OR1J2: variants seen among roughly 807,000 people sequenced by gnomAD.
OR1J2 encodes olfactory receptor family 1 subfamily J member 2.
For synonymous variants in OR1J2, 142 were observed against 99.7 expected (o/e 1.42, Z -2.52); for missense variants, 304 against 246.1 (o/e 1.24, Z -1.57).
chr9:122,517,277 C>A, the OR1J2 span, among the ~76,000 whole-genome samples: 2 of 152,168 alleles, frequency 1.3e-5, no homozygotes, highest in East Asian at 3.8e-4. Context: ...TCCTTAAGGT[C>A]ACAGCCCCAG....
the OR1J2 span, among the ~76,000 whole-genome samples, chr9:122,543,304 G>C: frequency 6.6e-6 from 1 of 152,122 alleles, no homozygotes; most frequent in African/African-American, 2.4e-5. Flanking sequence ...CTGGGCTCAA[G>C]CAACCTTCCC....
chr9:122,483,394 A>C, the OR1J2 span, among the ~76,000 whole-genome samples: 1 of 152,214 alleles, frequency 6.6e-6, no homozygotes, highest in Admixed American at 6.5e-5. Flanking sequence ...TAATTTATTT[A>C]TGTAATTCTA....
At chr9:122,551,014 G>C in the OR1J2 span, among the ~76,000 whole-genome samples, 2 of 151,214 alleles carry the variant, frequency 1.3e-5, no homozygotes, top group African/African-American at 4.9e-5. Context: ...ATACCTTAAA[G>C]ATTCCTCCAG....
chr9:122,482,036 T>A, the OR1J2 span, among the ~76,000 whole-genome samples: 1 of 151,990 alleles, frequency 6.6e-6, no homozygotes, highest in Non-Finnish European at 1.5e-5. Flanking sequence ...CTAAAAAGCT[T>A]CTGCACAGGA....
At chr9:122,530,090 G>T in the OR1J2 span, among the ~76,000 whole-genome samples, 1 of 152,186 alleles carries the variant, frequency 6.6e-6, no homozygotes, top group Non-Finnish European at 1.5e-5. Context: ...ATTTAAGGGG[G>T]TTAAGGGAGG....
chr9:122,548,250 G>A, the OR1J2 span, among the ~76,000 whole-genome samples: 1 of 152,170 alleles, frequency 6.6e-6, no homozygotes, highest in African/African-American at 2.4e-5. Context: ...AAGGCAAAGG[G>A]GTTTGGGCTG....
downstream of OR1J2, among the ~76,000 whole-genome samples, chr9:122,515,095 G>C (rs528894827): frequency 6.6e-6 from 1 of 152,110 alleles, no homozygotes; most frequent in African/African-American, 2.4e-5. Context: ...TTTGTGCCCT[G>C]TCCCCTTGTG....
chr9:122,540,723 C>T, the OR1J2 span, among the ~76,000 whole-genome samples: 2 of 152,266 alleles, frequency 1.3e-5, no homozygotes, highest in South Asian at 2.1e-4. Context: ...GCCATTTTCA[C>T]GATATTGATT....
chr9:122,518,533 C>T, the OR1J2 span, among the ~76,000 whole-genome samples: 86 of 152,358 alleles, frequency 5.6e-4, no homozygotes, highest in African/African-American at 1.8e-3. Context: ...GGGTTCTACC[C>T]TCATGACCTA....
At chr9:122,476,610 A>T in the OR1J2 span, among the ~76,000 whole-genome samples, 1 of 152,224 alleles carries the variant, frequency 6.6e-6, no homozygotes, top group Non-Finnish European at 1.5e-5. Context: ...AATAATTTGT[A>T]TTTCTGTATT....
At chr9:122,541,918 A>G in the OR1J2 span, among the ~76,000 whole-genome samples, 29 of 152,322 alleles carry the variant, frequency 1.9e-4, no homozygotes, top group East Asian at 5.4e-3. Flanking sequence ...TGTATACACC[A>G]ATGTAAACAC....
At chr9:122,472,036 T>A in the OR1J2 span, among the ~76,000 whole-genome samples, 1 of 152,158 alleles carries the variant, frequency 6.6e-6, no homozygotes, top group Non-Finnish European at 1.5e-5. Context: ...AAATACTTAT[T>A]TTACCCTGCC....
the OR1J2 span, among the ~76,000 whole-genome samples, chr9:122,500,281 C>T: frequency 6.6e-6 from 1 of 152,184 alleles, no homozygotes; most frequent in Non-Finnish European, 1.5e-5. Flanking sequence ...AATTGTCTCT[C>T]TCAGCCTGGG....
chr9:122,453,872 A>G, the OR1J2 span, among the ~76,000 whole-genome samples: 128 of 152,352 alleles, frequency 8.4e-4, 1 homozygote, highest in East Asian at 0.021. Flanking sequence ...CTTGGGTTAC[A>G]ACAACATGAT....
chr9:122,549,936 A>C, the OR1J2 span, among the ~76,000 whole-genome samples: 7,373 of 152,176 alleles, frequency 0.048, 575 homozygotes, highest in African/African-American at 0.17. Flanking sequence ...TTGAATCTAT[A>C]GATTGCTTTG....
chr9:122,515,655 C>G (rs186439015), downstream of OR1J2, among the ~76,000 whole-genome samples: 10 of 152,296 alleles, frequency 6.6e-5, no homozygotes, highest in East Asian at 1.7e-3. Context: ...AGAGAGCCCT[C>G]TCTAATATTT....
At chr9:122,518,466 G>A in the OR1J2 span, among the ~76,000 whole-genome samples, 3 of 152,194 alleles carry the variant, frequency 2.0e-5, no homozygotes, top group South Asian at 4.1e-4. Context: ...GTCCTCACAT[G>A]GCAATGCCAG....
At chr9:122,575,658 T>C in the OR1J2 span, among the ~76,000 whole-genome samples, 1 of 152,180 alleles carries the variant, frequency 6.6e-6, no homozygotes, top group African/African-American at 2.4e-5. Context: ...ATATTTGAGG[T>C]TTACAGCATG....
At chr9:122,565,848 T>C in the OR1J2 span, among the ~76,000 whole-genome samples, 1 of 152,212 alleles carries the variant, frequency 6.6e-6, no homozygotes, top group Non-Finnish European at 1.5e-5. Flanking sequence ...TTTTACCTTT[T>C]TGTTACATGT....
Sources: allele counts gnomAD v4.1 joint callset (sites outside exome capture counted in the v4.1 genomes callset), GRCh38; gene constraint gnomAD v4.1.1; transcripts MANE v1.5; gene names NCBI Gene and HGNC (gene_info 2026-07-23, HGNC 2026-07-21).